ASIC2: variants seen among roughly 807,000 people sequenced by gnomAD.
ASIC2 encodes acid-sensing ion channel 2.
Under a neutral mutation model 57.3 loss-of-function variants are expected in ASIC2, and 25 were observed. The ratio of observed to expected loss-of-function variants is 0.44; its 90% CI spans 0.32 to 0.61. ASIC2 has a LOEUF of 0.61. ASIC2 is among the 20% of genes least tolerant of loss of function. The probability of loss-of-function intolerance (pLI) is 0.06; values close to 1 mark genes in which losing one functional copy is unlikely to be tolerated. For missense variants in ASIC2, 641 were observed against 738.1 expected, an observed-to-expected ratio of 0.87 and a Z score of 1.52; for synonymous variants, 319 against 307.5, an observed-to-expected ratio of 1.04 and a Z score of -0.39.
chr17:34,046,411 G>C (rs998033534), intron 1 of ASIC2, among the ~76,000 whole-genome samples: 1 of 152,194 alleles, frequency 6.6e-6, no homozygotes, highest in Non-Finnish European at 1.5e-5. Context: ...AATAGTACTT[G>C]AGAGAAATTG....
intron 3 of ASIC2, among the ~76,000 whole-genome samples, chr17:33,085,796 C>T (rs2092131965): frequency 6.6e-6 from 1 of 152,068 alleles, no homozygotes; most frequent in African/African-American, 2.4e-5. Context: ...CTTTTATATA[C>T]ATGTAAATAT....
chr17:33,376,396 A>G (rs1436672587), intron 1 of ASIC2, among the ~76,000 whole-genome samples: 3 of 152,100 alleles, frequency 2.0e-5, no homozygotes, highest in Non-Finnish European at 2.9e-5. Flanking sequence ...TTTAGGGTAC[A>G]TGTGCACAAC....
chr17:33,504,004 G>A (rs895189647), intron 1 of ASIC2, among the ~76,000 whole-genome samples: 2 of 152,198 alleles, frequency 1.3e-5, no homozygotes, highest in African/African-American at 4.8e-5. Context: ...AGCTGGAGCT[G>A]GGGAGGAGAT....
chr17:33,353,846 G>C (rs578143707), intron 1 of ASIC2, among the ~76,000 whole-genome samples: 14 of 152,248 alleles, frequency 9.2e-5, no homozygotes, highest in Non-Finnish European at 2.1e-4. Flanking sequence ...ACCAAGCACA[G>C]GGTCTCCATC....
chr17:33,384,556 G>C (rs1350053639), intron 1 of ASIC2, among the ~76,000 whole-genome samples: 1 of 152,148 alleles, frequency 6.6e-6, no homozygotes, highest in Non-Finnish European at 1.5e-5. Flanking sequence ...CTTTAACACT[G>C]TGAGTTTCCC....
At chr17:33,377,483 T>A (rs1389825325) in intron 1 of ASIC2, among the ~76,000 whole-genome samples, 1 of 152,230 alleles carries the variant, frequency 6.6e-6, no homozygotes, top group Non-Finnish European at 1.5e-5. Flanking sequence ...TCATTGCCAA[T>A]CTTTTATGTC....
At chr17:33,702,172 T>A (rs1908723854) in intron 1 of ASIC2, among the ~76,000 whole-genome samples, 1 of 152,208 alleles carries the variant, frequency 6.6e-6, no homozygotes, top group East Asian at 1.9e-4. Flanking sequence ...CTCGCTTTGG[T>A]ACTTACCTCA....
chr17:33,202,881 GCT>G (rs1906929761), intron 1 of ASIC2, among the ~76,000 whole-genome samples: 2 of 152,038 alleles, frequency 1.3e-5, no homozygotes, highest in Admixed American at 6.6e-5. Context: ...TGGTGGATAG[GCT>G]CTGTCTTTGT....
At chr17:33,256,635 C>A (rs541199385) in intron 1 of ASIC2, among the ~76,000 whole-genome samples, 1 of 152,168 alleles carries the variant, frequency 6.6e-6, no homozygotes, top group South Asian at 2.1e-4. Context: ...AGTTCAAGAC[C>A]AGCCTGGCCA....
chr17:33,797,557 T>A (rs1345666659), intron 1 of ASIC2, among the ~76,000 whole-genome samples: 2 of 152,224 alleles, frequency 1.3e-5, no homozygotes, highest in African/African-American at 4.8e-5. Flanking sequence ...GATTGATCAT[T>A]AGTAAATAAA....
chr17:33,947,076 A>G (rs1904398663), intron 1 of ASIC2, among the ~76,000 whole-genome samples: 1 of 152,224 alleles, frequency 6.6e-6, no homozygotes, highest in Admixed American at 6.5e-5. Context: ...GAAATAAGAG[A>G]GGACATGAAA....
chr17:33,454,867 CT>C (rs1389236401), intron 1 of ASIC2, among the ~76,000 whole-genome samples: 1 of 152,216 alleles, frequency 6.6e-6, no homozygotes, highest in Admixed American at 6.5e-5. Context: ...CCTGCAACCT[CT>C]TTTCTAAAAG....
At chr17:33,632,264 C>A (rs1376946816) in intron 1 of ASIC2, among the ~76,000 whole-genome samples, 1 of 152,148 alleles carries the variant, frequency 6.6e-6, no homozygotes, top group African/African-American at 2.4e-5. Flanking sequence ...TTAAGAATGT[C>A]TAATGTTAGT....
intron 1 of ASIC2, among the ~76,000 whole-genome samples, chr17:33,589,391 C>T (rs1904754176): frequency 6.6e-6 from 1 of 151,992 alleles, no homozygotes; most frequent in Non-Finnish European, 1.5e-5. Context: ...TTGTTTTAAC[C>T]ATTCTTATGT....
At chr17:33,636,040 T>C (rs1906352171) in intron 1 of ASIC2, among the ~76,000 whole-genome samples, 1 of 152,224 alleles carries the variant, frequency 6.6e-6, no homozygotes, top group Admixed American at 6.5e-5. Context: ...GCCCATGAAA[T>C]GTTGTTTAGA....
At chr17:33,571,766 T>C (rs932169656) in intron 1 of ASIC2, among the ~76,000 whole-genome samples, 2 of 152,212 alleles carry the variant, frequency 1.3e-5, no homozygotes, top group Admixed American at 1.3e-4. Context: ...GTTGTCTGTT[T>C]CATTCAAATT....
chr17:33,617,710 A>G (rs1905651449), intron 1 of ASIC2, among the ~76,000 whole-genome samples: 1 of 152,236 alleles, frequency 6.6e-6, no homozygotes, highest in Admixed American at 6.5e-5. Flanking sequence ...AATAAATGGT[A>G]CTTGCATAAT....
chr17:33,639,163 G>C (rs1906473214), intron 1 of ASIC2, among the ~76,000 whole-genome samples: 1 of 151,892 alleles, frequency 6.6e-6, no homozygotes, highest in South Asian at 2.1e-4. Context: ...GGTGCAGAAT[G>C]CCAGACGTGA....
intron 1 of ASIC2, among the ~76,000 whole-genome samples, chr17:33,208,359 G>C (rs569541228): frequency 6.6e-6 from 1 of 152,138 alleles, no homozygotes; most frequent in African/African-American, 2.4e-5. Context: ...CAGAATGCAA[G>C]CTCCTTACTC....
Sources: allele counts gnomAD v4.1 joint callset (sites outside exome capture counted in the v4.1 genomes callset), GRCh38; gene constraint gnomAD v4.1.1; transcripts MANE v1.5; gene names NCBI Gene and HGNC (gene_info 2026-07-23, HGNC 2026-07-21).